The following FOXP4 variants were observed in gnomAD, a reference collection of about 807,000 sequenced individuals.
The protein encoded by FOXP4 is forkhead box protein P4.
Under a neutral mutation model 82.6 loss-of-function variants are expected in FOXP4, and 25 were observed. The ratio of observed to expected loss-of-function variants is 0.30; its 90% confidence interval spans 0.22 to 0.42. The LOEUF is 0.42. Ranked by LOEUF, FOXP4 falls within the 10% of genes least tolerant of loss-of-function variation. The pLI is 1.00. For synonymous variants in FOXP4, 415 were observed against 388.2 expected, an observed-to-expected ratio of 1.07 and a Z score of -0.81; for missense variants, 785 against 900.9, an observed-to-expected ratio of 0.87 and a Z score of 1.65.
intron 1 of FOXP4, among the ~76,000 whole-genome samples, chr6:41,565,346 C>T (rs944303370): frequency 2.6e-5 from 4 of 152,070 alleles, no homozygotes; most frequent in Non-Finnish European, 4.4e-5. Context: ...GGCAATAGAG[C>T]GAGACTGTGT....
chr6:41,565,537 G>A (rs770535095), intron 1 of FOXP4, among the ~76,000 whole-genome samples: 10 of 152,326 alleles, frequency 6.6e-5, no homozygotes, highest in Middle Eastern at 3.4e-3. Flanking sequence ...AGAAAACATG[G>A]TTGGGGGTGT....
rs917189043 is a variant in FOXP4 at position 41,600,094 on chromosome 6, T to C, written c.*1158T>C. 2.6e-5 allele frequency: 4 copies of C among 152,716 alleles called. No homozygotes were observed. Among genetic ancestry groups the C allele is most frequent in the African/African-American group, 9.7e-5 (4 of 41,434 alleles). 9.5% of individuals were successfully genotyped at this position (152,716 alleles called of 1,614,324 possible). ...AACCAAAGTTTACAGTGTCTGTTGG[T>C]GGCCAAGACCTTCTCTCTCCACCCC... On this transcript the variant is annotated 3_prime_UTR_variant, in exon 17 of 17. Transcript: ENST00000307972.
At chr6:41,576,130 T>G (rs1765473396) in intron 2 of FOXP4, among the ~76,000 whole-genome samples, 1 of 150,206 alleles carries the variant, frequency 6.7e-6, no homozygotes, top group South Asian at 2.2e-4. Flanking sequence ...GAAGTGAATC[T>G]GGAAGAGGAG....
At chr6:41,556,614 G>A (rs115734894) in intron 1 of FOXP4, among the ~76,000 whole-genome samples, 10,338 of 152,170 alleles carry the variant, frequency 0.068, 453 homozygotes, top group Non-Finnish European at 0.095. Context: ...GTGAGCCACC[G>A]CGCCCGGCAA....
chr6:41,559,126 TTC>T (rs1764432402), intron 1 of FOXP4, among the ~76,000 whole-genome samples: 1 of 152,198 alleles, frequency 6.6e-6, no homozygotes, highest in Admixed American at 6.5e-5. Context: ...TAAATGCCCT[TTC>T]CTGGCAAAAG....
At chr6:41,549,109 G>A (rs1441163424) in intron 1 of FOXP4, among the ~76,000 whole-genome samples, 2 of 151,944 alleles carry the variant, frequency 1.3e-5, no homozygotes, top group African/African-American at 2.4e-5. Context: ...AATCTCTCCT[G>A]CGGGACGGGA....
intron 5 of FOXP4, among the ~76,000 whole-genome samples, chr6:41,586,448 G>GT (rs1483395839): frequency 2.0e-5 from 3 of 152,288 alleles, no homozygotes; most frequent in Admixed American, 6.5e-5. Flanking sequence ...GAGCCAACGA[G>GT]TACAGGGCGC....
chr6:41,584,779 C>T lies in FOXP4; in HGVS notation c.311C>T (p.Ser104Leu). The T allele has an allele frequency of 1.3e-6, 2 of 1,591,222 alleles. No homozygotes were observed. Among genetic ancestry groups the T allele is most frequent in the Non-Finnish European group, 1.7e-6 (2 of 1,169,030 alleles). ...QSASAVQVPV[S>L]VAMMSPQMLT... Reference sequence around the variant, plus strand: ...GGCCGAATCCTGCAGGTGCCTGTGTCGGTGGCCATGATGTCGCCGCAGATG... The same window carrying T: ...GGCCGAATCCTGCAGGTGCCTGTGTTGGTGGCCATGATGTCGCCGCAGATG... Residue 104 changes from serine to leucine, a missense_variant, in exon 4 of 17, where the codon TCG becomes TTG. This residue lies in a region of FOXP4 where 570 missense variants were observed against 634.0 expected (regional missense o/e 0.90). Coordinates refer to ENST00000307972, the MANE Select transcript of FOXP4 (RefSeq NM_001012426.2).
At chr6:41,588,350 C>T (rs748875016) in intron 8 of FOXP4, among the ~76,000 whole-genome samples, 2 of 152,338 alleles carry the variant, frequency 1.3e-5, no homozygotes, top group African/African-American at 2.4e-5. Context: ...CTCCCAGACC[C>T]TTGCAGCATC....
At chr6:41,566,009 C>T (rs1197379584) in intron 2 of FOXP4, 45 bp downstream of exon 2, 1 of 1,560,300 alleles carries the variant, frequency 6.4e-7, no homozygotes, top group East Asian at 2.3e-5. Flanking sequence ...GGGAGAGGGG[C>T]ACTAGGCTGC....
intron 14 of FOXP4, among the ~76,000 whole-genome samples, chr6:41,595,260 A>G (rs1055762835): frequency 2.0e-5 from 3 of 152,218 alleles, no homozygotes; most frequent in African/African-American, 7.2e-5. Flanking sequence ...CCTGGTAGCA[A>G]AGAGAGACAG....
Position 41,556,545 on chromosome 6 carries a change from C to T in FOXP4, c.-16-9200C>T, listed in dbSNP as rs187315935. ...TTCACCATGTTAGCCAGGATGGTCT[C>T]GATCTCCTGACCTTGTGATCTGCCC... On this transcript the variant is annotated intron_variant, in intron 1 of 16. Transcript: ENST00000307972. Among the ~76,000 whole-genome samples, 27 of 152,264 alleles carry T rather than the reference C, an allele frequency of 1.8e-4. 1 individual carries two copies. In the South Asian group the frequency reaches 3.1e-3, roughly 18 times the overall value.
chr6:41,550,988 A>G (rs1004051579), intron 1 of FOXP4, among the ~76,000 whole-genome samples: 3 of 152,156 alleles, frequency 2.0e-5, no homozygotes, highest in Non-Finnish European at 4.4e-5. Context: ...AGCAAAAGGA[A>G]ACTCCCCTTG....
chr6:41,566,049 C>G, intron 2 of FOXP4, 85 bp downstream of exon 2: 1 of 1,378,624 alleles, frequency 7.3e-7, no homozygotes, highest in Non-Finnish European at 9.9e-7. Context: ...GCTGGAGCAC[C>G]ACTCCCTGCC....
chr6:41,572,086 T>C (rs1765229720), intron 2 of FOXP4, among the ~76,000 whole-genome samples: 1 of 152,226 alleles, frequency 6.6e-6, no homozygotes, highest in South Asian at 2.1e-4. Context: ...AAAAAATCAT[T>C]GTCCCTGTGT....
chr6:41,549,241 C>T (rs551680661), intron 1 of FOXP4, among the ~76,000 whole-genome samples: 1 of 152,208 alleles, frequency 6.6e-6, no homozygotes, highest in South Asian at 2.1e-4. Context: ...TTCTCCCTGT[C>T]CTGGACAGGT....
At chr6:41,550,690 CT>C (rs905437108) in intron 1 of FOXP4, among the ~76,000 whole-genome samples, 1 of 152,264 alleles carries the variant, frequency 6.6e-6, no homozygotes, top group African/African-American at 2.4e-5. Context: ...AATACTTTCT[CT>C]TTTCCCTTTA....
intron 2 of FOXP4, chr6:41,570,425 A>G: frequency 2.1e-6 from 1 of 470,716 alleles, no homozygotes; most frequent in Non-Finnish European, 4.4e-6. Flanking sequence ...AGGTGGGAGG[A>G]GCTGGGGAGT....
At chr6:41,565,613 C>T (rs1764829038) in intron 1 of FOXP4, 132 bp from the exon 2 acceptor site, 1 of 807,628 alleles carries the variant, frequency 1.2e-6, no homozygotes, top group Non-Finnish European at 2.0e-6. Flanking sequence ...CCAGGAGCAG[C>T]CTCTGGGAAG....
Sources: allele counts gnomAD v4.1 joint callset (sites outside exome capture counted in the v4.1 genomes callset), GRCh38; gene constraint gnomAD v4.1.1; regional missense constraint gnomAD v4.1.1; transcripts MANE v1.5; gene names NCBI Gene and HGNC (gene_info 2026-07-23, HGNC 2026-07-21).